The following PREX2 variants were observed in gnomAD, a reference collection of about 807,000 sequenced individuals.
The protein encoded by PREX2 is phosphatidylinositol-3,4,5-trisphosphate dependent Rac exchange factor 2, also known as phosphatidylinositol 3,4,5-trisphosphate-dependent Rac exchanger 2 protein.
Under a neutral mutation model 203.2 loss-of-function variants are expected in PREX2, and 107 were observed. The ratio of observed to expected loss-of-function variants is 0.53; its 90% CI spans 0.45 to 0.62. The LOEUF (loss-of-function observed/expected upper bound fraction) is 0.62. PREX2 is among the 20% of genes least tolerant of loss of function. The probability of loss-of-function intolerance (pLI) is 0.00; values close to 1 mark genes in which losing one functional copy is unlikely to be tolerated. For missense variants in PREX2, 1,777 were observed against 1,955.9 expected (o/e 0.91, Z 1.72); for synonymous variants, 672 against 663.6 (o/e 1.01, Z -0.19).
chr8:68,080,671 CA>C, intron 16 of PREX2, 74 bp from the exon 17 acceptor site: 1 of 1,428,878 alleles, frequency 7.0e-7, no homozygotes, highest in Non-Finnish European at 9.7e-7. Context: ...CGGTGATGCA[CA>C]TTACTTCGTT....
chr8:68,031,485 T>C (rs1807880088), intron 6 of PREX2, among the ~76,000 whole-genome samples: 1 of 152,256 alleles, frequency 6.6e-6, no homozygotes, highest in South Asian at 2.1e-4. Context: ...TTTAAGGCTT[T>C]AGATGAATTT....
rs77778630 is a variant in PREX2 at position 68,182,758 on chromosome 8, A to G, written c.4347-8964A>G. On this transcript the variant is annotated intron_variant, in intron 35 of 39. Coordinates refer to ENST00000288368, the MANE Select transcript of PREX2 (RefSeq NM_024870.4). ...CATTGCCTTGCATTATGGGATTGCA[A>G]ATTTAAAAAATGGGTCTCTGCCCAC... 4.8e-3 allele frequency among the ~76,000 whole-genome samples: 729 copies of G among 152,018 alleles called. 5 individuals carry two copies. The highest frequency in any genetic ancestry group is 0.016 in the African/African-American group (681 of 41,512).
intron 4 of PREX2, among the ~76,000 whole-genome samples, chr8:68,024,878 C>A (rs1259653351): frequency 1.3e-5 from 2 of 151,930 alleles, no homozygotes; most frequent in Non-Finnish European, 1.5e-5. Context: ...TTAATGCTGA[C>A]CTAATTCCAG....
intron 34 of PREX2, among the ~76,000 whole-genome samples, chr8:68,147,393 G>A (rs1811349713): frequency 6.6e-6 from 1 of 152,142 alleles, no homozygotes; most frequent in African/African-American, 2.4e-5. Flanking sequence ...GGACCTGGTG[G>A]GAGGTAATTG....
intron 1 of PREX2, among the ~76,000 whole-genome samples, chr8:67,983,788 G>GCTCTTCGTGAT (rs1354527829): frequency 1.3e-5 from 2 of 152,210 alleles, no homozygotes; most frequent in Non-Finnish European, 2.9e-5. Flanking sequence ...CTCTTCGTGA[G>GCTCTTCGTGAT]CTCTGGGTCC....
chr8:68,084,331 A>C (rs1374065318), intron 18 of PREX2, among the ~76,000 whole-genome samples: 1 of 152,188 alleles, frequency 6.6e-6, no homozygotes, highest in Non-Finnish European at 1.5e-5. Flanking sequence ...TTAGCACTTC[A>C]AAAATAAGAT....
At chr8:68,044,403 C>A in intron 7 of PREX2, 84 bp from the exon 8 acceptor site, 20 of 942,872 alleles carry the variant, frequency 2.1e-5, no homozygotes, top group Non-Finnish European at 3.3e-5. Flanking sequence ...TGTCTTTTTT[C>A]AAAGAATTGC....
At chr8:68,072,788 G>A (rs552210628) in intron 14 of PREX2, among the ~76,000 whole-genome samples, 1 of 152,254 alleles carries the variant, frequency 6.6e-6, no homozygotes, top group South Asian at 2.1e-4. Context: ...AAAGGAAGAT[G>A]TTCCTATTTT....
At chr8:68,030,470 G>A (rs1807849055) in intron 5 of PREX2, 27 bp from the exon 6 acceptor site, 1 of 1,607,676 alleles carries the variant, frequency 6.2e-7, no homozygotes, top group Non-Finnish European at 8.5e-7. Flanking sequence ...AGATCAAAGG[G>A]CGATTTGTTT....
chr8:68,118,054 A>T (rs1164258611), intron 26 of PREX2, among the ~76,000 whole-genome samples: 2 of 152,188 alleles, frequency 1.3e-5, no homozygotes, highest in African/African-American at 4.8e-5. Context: ...ATATAATTGA[A>T]TCAAAAATAT....
intron 37 of PREX2, among the ~76,000 whole-genome samples, chr8:68,214,537 C>T (rs950132637): frequency 2.0e-5 from 3 of 152,168 alleles, no homozygotes; most frequent in Non-Finnish European, 4.4e-5. Flanking sequence ...TCTCGTAAAC[C>T]TGACTCTGAG....
At chr8:68,200,722 A>C (rs1182957455) in intron 37 of PREX2, among the ~76,000 whole-genome samples, 2 of 152,096 alleles carry the variant, frequency 1.3e-5, no homozygotes, top group Admixed American at 6.6e-5. Context: ...AGGATTAATA[A>C]ATCAGTATAT....
At chr8:68,080,986 G>A (rs1396744365) in intron 17 of PREX2, 148 bp downstream of exon 17, 1 of 634,468 alleles carries the variant, frequency 1.6e-6, no homozygotes, top group Non-Finnish European at 2.8e-6. Context: ...TTACTCACAG[G>A]TTCTACTGAA....
At chr8:68,187,983 A>G (rs1812224217) in intron 35 of PREX2, among the ~76,000 whole-genome samples, 1 of 152,220 alleles carries the variant, frequency 6.6e-6, no homozygotes. Context: ...AGCTAGCCTC[A>G]CCATTTGAAA....
At chr8:67,997,967 T>G (rs1342010690) in intron 1 of PREX2, among the ~76,000 whole-genome samples, 8 of 152,288 alleles carry the variant, frequency 5.3e-5, no homozygotes, top group South Asian at 4.1e-4. Flanking sequence ...TTTAAAAAGT[T>G]TTACCTTCTA....
At chr8:68,026,251 G>A (rs747029271) in intron 4 of PREX2, among the ~76,000 whole-genome samples, 4 of 152,040 alleles carry the variant, frequency 2.6e-5, no homozygotes, top group Admixed American at 1.3e-4. Flanking sequence ...AGTTGCTCAG[G>A]ACAGCAGAAA....
At chr8:67,984,683 G>T (rs1484834862) in intron 1 of PREX2, among the ~76,000 whole-genome samples, 2 of 152,204 alleles carry the variant, frequency 1.3e-5, no homozygotes, top group African/African-American at 2.4e-5. Flanking sequence ...AGGTCTGCCG[G>T]TTCCAGCTGT....
rs377582732 is a variant in PREX2 at position 67,955,560 on chromosome 8, C to T, written c.141+3025C>T. On this transcript the variant is annotated intron_variant, in intron 1 of 39. Transcript: ENST00000288368. ...AGGTGCTCCTTGCTTTGTATCCACT[C>T]TACCCTGCATTTCCTTCTTCCATAG... Among the ~76,000 whole-genome samples, 4 of 152,210 alleles carry T rather than the reference C, an allele frequency of 2.6e-5. No homozygotes were observed. The South Asian group carries it at 8.3e-4, about 31-fold the overall frequency.
chr8:68,038,204 G>A lies in PREX2; in HGVS notation c.751G>A (p.Val251Ile). The change falls in exon 7 of 40, where the codon GTC becomes ATC. Residue 251 changes from valine to isoleucine, a missense_variant. By Grantham distance (29) the Val-to-Ile change is conservative. Coordinates refer to ENST00000288368, the MANE Select transcript of PREX2 (RefSeq NM_024870.4). The part of the protein sequence containing the change: ...DTCTEMLMCG[V>I]LLKISSGNIQ... Reference sequence around the variant, plus strand: ...CTGCACTGAAATGCTAATGTGTGGAGTCTTACTGAAAATTTCTTCTGGAAA... The same window carrying A: ...CTGCACTGAAATGCTAATGTGTGGAATCTTACTGAAAATTTCTTCTGGAAA... 6.2e-7 allele frequency: 1 copy of A among 1,613,768 alleles called. No homozygotes were observed. The highest frequency in any genetic ancestry group is 1.1e-5 in the South Asian group (1 of 91,076).
Sources: allele counts gnomAD v4.1 joint callset (sites outside exome capture counted in the v4.1 genomes callset), GRCh38; gene constraint gnomAD v4.1.1; transcripts MANE v1.5; gene names NCBI Gene and HGNC (gene_info 2026-07-23, HGNC 2026-07-21).